Variants in LRRTM4 observed in about 807,000 individuals in gnomAD.
LRRTM4 encodes leucine-rich repeat transmembrane neuronal protein 4.
LRRTM4 carries 25 observed loss-of-function variants against 47.6 expected under a neutral mutation model. The observed-to-expected ratio is 0.53, with a 90% confidence interval of 0.38 to 0.73. The LOEUF (loss-of-function observed/expected upper bound fraction) is 0.73, where lower values mean the gene tolerates loss of function less well. Among genes scored for constraint, LRRTM4 ranks in the 30% least tolerant of loss-of-function variants. The pLI, the probability that LRRTM4 is intolerant of heterozygous loss-of-function variation, is 0.00. For missense variants in LRRTM4, 638 were observed against 713.4 expected, an observed-to-expected ratio of 0.89 and a Z score of 1.20; for synonymous variants, 311 against 269.5, an observed-to-expected ratio of 1.15 and a Z score of -1.51.
intron 3 of LRRTM4, among the ~76,000 whole-genome samples, chr2:76,760,576 G>C (rs1029722963): frequency 6.6e-6 from 1 of 151,880 alleles, no homozygotes; most frequent in African/African-American, 2.4e-5. Context: ...ACAATAAACA[G>C]CCTACTACCC....
At chr2:76,751,598 T>G (rs1274720583) in intron 3 of LRRTM4, among the ~76,000 whole-genome samples, 8 of 152,090 alleles carry the variant, frequency 5.3e-5, no homozygotes, top group Admixed American at 3.9e-4. Context: ...TCACCCCAAG[T>G]CTATTGTTTT....
intron 3 of LRRTM4, among the ~76,000 whole-genome samples, chr2:77,202,616 T>C (rs1674008480): frequency 6.6e-6 from 1 of 151,874 alleles, no homozygotes; most frequent in African/African-American, 2.4e-5. Context: ...CATACCAGGG[T>C]GCTGTAAACA....
intron 3 of LRRTM4, among the ~76,000 whole-genome samples, chr2:76,979,387 G>T (rs542363225): frequency 1.8e-4 from 27 of 151,956 alleles, no homozygotes; most frequent in African/African-American, 6.3e-4. Context: ...AGAAAAAAGG[G>T]ACCTTCATTG....
chr2:77,161,329 T>C (rs995788170), intron 3 of LRRTM4, among the ~76,000 whole-genome samples: 9 of 152,172 alleles, frequency 5.9e-5, no homozygotes, highest in African/African-American at 2.4e-5. Flanking sequence ...TCTCAGGAAC[T>C]GATTCAGCCC....
At chr2:77,051,015 ATT>A (rs776648650) in intron 3 of LRRTM4, among the ~76,000 whole-genome samples, 254 of 149,174 alleles carry the variant, frequency 1.7e-3, no homozygotes, top group African/African-American at 5.5e-3. Flanking sequence ...TACTTAAAAC[ATT>A]TTTTTTTTTT....
rs528699471 is a variant in LRRTM4, at chr2:76,994,095, G to A, written c.1552-245179C>T. 2.7e-4 allele frequency among the ~76,000 whole-genome samples: 41 copies of A among 151,870 alleles called. No individual in the cohort carries two copies. In the East Asian group the frequency reaches 6.2e-3, roughly 23 times the overall value. On this transcript the variant is annotated intron_variant, in intron 3 of 3. Coordinates refer to ENST00000409884, the MANE Select transcript of LRRTM4 (RefSeq NM_001134745.3). ...CATACCAATGTCCACGGCAACAATA[G>A]ACACTGCAGACAATTAGAGGTGGAA...
At chr2:77,455,384 A>T (rs1676490761) in intron 3 of LRRTM4, among the ~76,000 whole-genome samples, 1 of 152,132 alleles carries the variant, frequency 6.6e-6, no homozygotes, top group Non-Finnish European at 1.5e-5. Context: ...AGTTATCAGT[A>T]ATTTTTTCCA....
intron 3 of LRRTM4, among the ~76,000 whole-genome samples, chr2:76,840,570 A>C (rs1053950516): frequency 1.3e-5 from 2 of 152,224 alleles, no homozygotes; most frequent in Admixed American, 1.3e-4. Flanking sequence ...AGAATCATTA[A>C]AGGAACAAAC....
intron 3 of LRRTM4, among the ~76,000 whole-genome samples, chr2:77,000,124 T>C (rs1379715918): frequency 2.0e-5 from 3 of 151,688 alleles, no homozygotes; most frequent in Non-Finnish European, 2.9e-5. Flanking sequence ...CCCCAGATAA[T>C]GGCTGATACG....
chr2:77,391,137 A>G (rs1673487349), intron 3 of LRRTM4, among the ~76,000 whole-genome samples: 1 of 152,052 alleles, frequency 6.6e-6, no homozygotes. Context: ...CAAGTAAAAA[A>G]TAATTATTCT....
At chr2:77,050,092 C>T (rs921187555) in intron 3 of LRRTM4, among the ~76,000 whole-genome samples, 31 of 147,044 alleles carry the variant, frequency 2.1e-4, no homozygotes, top group African/African-American at 7.7e-4. Context: ...ACCCAATAGG[C>T]TTCTAGTCTG....
chr2:76,766,887 T>G (rs1218391988), intron 3 of LRRTM4, among the ~76,000 whole-genome samples: 1 of 152,184 alleles, frequency 6.6e-6, no homozygotes, highest in Non-Finnish European at 1.5e-5. Context: ...AAGAACTATC[T>G]GATCTAAAAT....
At chr2:77,186,243 C>T in intron 3 of LRRTM4, among the ~76,000 whole-genome samples, 1 of 152,238 alleles carries the variant, frequency 6.6e-6, no homozygotes, top group Non-Finnish European at 1.5e-5. Flanking sequence ...CTCTTTGATG[C>T]CATTTATTAG....
intron 3 of LRRTM4, among the ~76,000 whole-genome samples, chr2:77,222,183 A>G (rs1674656311): frequency 6.6e-6 from 1 of 152,208 alleles, no homozygotes; most frequent in African/African-American, 2.4e-5. Flanking sequence ...AACATACCAG[A>G]ATCTCTGGGA....
intron 3 of LRRTM4, among the ~76,000 whole-genome samples, chr2:77,045,570 G>A (rs1247131995): frequency 2.6e-5 from 4 of 151,884 alleles, no homozygotes; most frequent in African/African-American, 7.2e-5. Flanking sequence ...GTGAGGGCAG[G>A]TGTTTCCTGT....
At chr2:77,182,323 A>T (rs1041298644) in intron 3 of LRRTM4, among the ~76,000 whole-genome samples, 1 of 152,168 alleles carries the variant, frequency 6.6e-6, no homozygotes, top group Non-Finnish European at 1.5e-5. Flanking sequence ...AGACAGGAAC[A>T]GAAAAGCAAA....
chr2:76,866,997 C>T (rs1055837742), intron 3 of LRRTM4, among the ~76,000 whole-genome samples: 8 of 151,872 alleles, frequency 5.3e-5, no homozygotes, highest in African/African-American at 1.9e-4. Flanking sequence ...CATATTCTCA[C>T]TTGTAAATGA....
At chr2:77,475,188 G>A (rs568295592) in intron 3 of LRRTM4, among the ~76,000 whole-genome samples, 1 of 152,168 alleles carries the variant, frequency 6.6e-6, no homozygotes, top group South Asian at 2.1e-4. Context: ...GTGTTTTGCA[G>A]CTGTAGCAAC....
chr2:77,508,715 C>T (rs1678868353), intron 3 of LRRTM4, among the ~76,000 whole-genome samples: 1 of 151,844 alleles, frequency 6.6e-6, no homozygotes, highest in Admixed American at 6.6e-5. Flanking sequence ...AAGAATGATG[C>T]AATACATATT....
Sources: gnomAD v4.1 joint callset for allele counts (sites outside exome capture counted in the v4.1 genomes callset) on GRCh38, gnomAD v4.1.1 for gene constraint, MANE v1.5 for transcripts, NCBI Gene and HGNC (gene_info 2026-07-23, HGNC 2026-07-21) for gene names.